Variants in LGR6 observed in about 807,000 individuals in gnomAD.
LGR6 encodes the protein leucine-rich repeat-containing G protein-coupled receptor 6.
In LGR6, 45 loss-of-function variants were observed where a neutral mutation model predicts 69.4. The ratio of observed to expected loss-of-function variants is 0.65; its 90% CI spans 0.51 to 0.83. LGR6 has a LOEUF of 0.83. Ranked by LOEUF, LGR6 falls within the 40% of genes least tolerant of loss-of-function variation. LGR6 has a pLI of 0.00. For synonymous variants in LGR6, 538 were observed against 555.0 expected (o/e 0.97, Z 0.43); for missense variants, 1,108 against 1,246.7 (o/e 0.89, Z 1.68).
chr1:202,248,913 C>G (rs900259931), intron 4 of LGR6, among the ~76,000 whole-genome samples: 1 of 152,130 alleles, frequency 6.6e-6, no homozygotes, highest in East Asian at 1.9e-4. Context: ...GTGACCCTGG[C>G]CCCCTCCCTA....
chr1:202,262,587 C>T (rs977781045), intron 4 of LGR6, among the ~76,000 whole-genome samples: 8 of 152,112 alleles, frequency 5.3e-5, no homozygotes, highest in African/African-American at 1.9e-4. Context: ...TTTTTGGTTC[C>T]GTATGTAATG....
intron 3 of LGR6, among the ~76,000 whole-genome samples, chr1:202,230,247 TCCCACACCCC>T (rs1054276750): frequency 5.3e-5 from 8 of 152,102 alleles, no homozygotes; most frequent in Non-Finnish European, 1.0e-4. Context: ...CTCATGTCTT[TCCCACACCCC>T]CCCACACCCC....
At position 202,303,361 on chromosome 1, in the gene LGR6, C is replaced by G. The variant is rs1257107925; in HGVS notation, c.998+14C>G. On this transcript the variant is annotated intron_variant, in intron 10 of 17. Coordinates refer to ENST00000367278, the MANE Select transcript of LGR6 (RefSeq NM_001017403.2). Reference sequence around the variant, plus strand: ...CCTGGAGATCCTGTGAGTGGCTTCTCTCTCCCTACCTTATCTATCGCCCCA... The same window carrying G: ...CCTGGAGATCCTGTGAGTGGCTTCTGTCTCCCTACCTTATCTATCGCCCCA... 3 of 1,602,332 alleles carry G rather than the reference C, an allele frequency of 1.9e-6. No individual in the cohort carries two copies. Among genetic ancestry groups the G allele is most frequent in the Non-Finnish European group, 2.6e-6 (3 of 1,169,210 alleles).
At chr1:202,315,034 C>G (rs1267950973) in intron 17 of LGR6, 152 bp downstream of exon 17, 1 of 635,654 alleles carries the variant, frequency 1.6e-6, no homozygotes, top group East Asian at 2.8e-5. Flanking sequence ...TTCGTAATTC[C>G]TGGGGAAGGA....
At chr1:202,198,013 C>A (rs916926824) in intron 1 of LGR6, among the ~76,000 whole-genome samples, 1 of 152,220 alleles carries the variant, frequency 6.6e-6, no homozygotes, top group African/African-American at 2.4e-5. Context: ...GGAGGGGCCG[C>A]TACACCAAGC....
rs79046333 is a variant in LGR6, at chr1:202,319,591, G to A, written c.*384G>A. On this transcript the variant is annotated 3_prime_UTR_variant, in exon 18 of 18. Coordinates refer to ENST00000367278, the MANE Select transcript of LGR6 (RefSeq NM_001017403.2). ...AGAAAGGCCTGGAAGGTGATTTCCCGTGTGACTCATGGATAGGATACAAAA... is the reference window on the plus strand; with the variant it reads ...AGAAAGGCCTGGAAGGTGATTTCCCATGTGACTCATGGATAGGATACAAAA... 28 of 193,728 alleles carry A rather than the reference G, an allele frequency of 1.4e-4. No homozygotes were observed. The highest frequency in any genetic ancestry group is 4.9e-4 in the African/African-American group (21 of 42,898). 12.0% of individuals were successfully genotyped at this position (193,728 alleles called of 1,614,324 possible). A position where few individuals can be genotyped will look rare whatever the true frequency, so the allele number is the denominator to read the frequency against.
At chr1:202,196,972 C>T in intron 1 of LGR6, 3 of 522,576 alleles carry the variant, frequency 5.7e-6, no homozygotes, top group Non-Finnish European at 1.2e-5. Flanking sequence ...GGACTTAGGT[C>T]CTCCTGACAC....
At chr1:202,261,874 A>C (rs1558044477) in intron 4 of LGR6, among the ~76,000 whole-genome samples, 2 of 152,166 alleles carry the variant, frequency 1.3e-5, no homozygotes, top group Non-Finnish European at 2.9e-5. Flanking sequence ...TGGCTGCATA[A>C]ATGTCTTCTT....
At chr1:202,296,210 C>G (rs574327015) in intron 6 of LGR6, among the ~76,000 whole-genome samples, 1 of 152,134 alleles carries the variant, frequency 6.6e-6, no homozygotes, top group South Asian at 2.1e-4. Flanking sequence ...TCCTGGGAGG[C>G]TAGGGAGGGA....
chr1:202,273,583 G>A (rs960304443), intron 4 of LGR6, among the ~76,000 whole-genome samples: 3 of 151,214 alleles, frequency 2.0e-5, no homozygotes, highest in Admixed American at 6.6e-5. Flanking sequence ...TCAGCCTCCC[G>A]AGTAGCTGGG....
chr1:202,280,604 T>C (rs937378026), intron 5 of LGR6, among the ~76,000 whole-genome samples, 177 bp from the exon 6 acceptor site: 9 of 152,174 alleles, frequency 5.9e-5, no homozygotes, highest in Non-Finnish European at 1.0e-4. Context: ...TTGGAGATTG[T>C]GGCTTCAGAA....
At chr1:202,210,247 A>G (rs1314891250) in intron 1 of LGR6, among the ~76,000 whole-genome samples, 2 of 152,038 alleles carry the variant, frequency 1.3e-5, no homozygotes, top group Non-Finnish European at 2.9e-5. Flanking sequence ...TGTTTCTCAG[A>G]CCAGGCTGGG....
chr1:202,215,965 G>C (rs1033352451), intron 1 of LGR6, among the ~76,000 whole-genome samples: 3 of 152,226 alleles, frequency 2.0e-5, no homozygotes, highest in African/African-American at 7.2e-5. Flanking sequence ...TGACACTTAA[G>C]TCCCAGTCCC....
chr1:202,304,117 G>A (rs1015615075), intron 10 of LGR6, among the ~76,000 whole-genome samples: 1 of 152,096 alleles, frequency 6.6e-6, no homozygotes, highest in Non-Finnish European at 1.5e-5. Context: ...GAGGCACAGG[G>A]ACCAAACTCT....
rs1654333441 is a variant in LGR6 at position 202,318,373 on chromosome 1, C to T, written c.2070C>T (p.Val690=). 1.9e-6 allele frequency: 3 copies of T among 1,603,930 alleles called. No individual in the cohort carries two copies. The highest frequency in any genetic ancestry group is 4.5e-5 in the East Asian group (2 of 44,774). Residue 690 remains valine, a synonymous_variant, in exon 18 of 18, where the codon GTC becomes GTT. Coordinates refer to ENST00000367278, the MANE Select transcript of LGR6 (RefSeq NM_001017403.2). ...SPSLGSVRAG[V]LGCLALAGLA... ...CCCTGGGCAGCGTTCGAGCAGGGGT[C>T]CTAGGCTGCCTGGCACTGGCAGGGC...
chr1:202,287,924 G>A (rs1262387469), intron 6 of LGR6, among the ~76,000 whole-genome samples: 3 of 152,024 alleles, frequency 2.0e-5, no homozygotes, highest in East Asian at 3.9e-4. Flanking sequence ...ACAACAACCA[G>A]AATGACTATT....
intron 1 of LGR6, among the ~76,000 whole-genome samples, chr1:202,224,117 C>T (rs1173110012): frequency 6.6e-6 from 1 of 151,850 alleles, no homozygotes; most frequent in Non-Finnish European, 1.5e-5. Flanking sequence ...ACCTCAGGGC[C>T]TTTTGACTTC....
intron 5 of LGR6, among the ~76,000 whole-genome samples, chr1:202,278,751 G>A (rs1433567696): frequency 3.9e-5 from 6 of 152,118 alleles, no homozygotes; most frequent in Admixed American, 2.0e-4. Flanking sequence ...GTTGTACAGG[G>A]GCCTGGCTGG....
intron 4 of LGR6, among the ~76,000 whole-genome samples, chr1:202,271,808 C>CAAAA (rs754922941): frequency 7.9e-5 from 7 of 88,466 alleles, no homozygotes; most frequent in African/African-American, 2.9e-4. Flanking sequence ...AACTCTGTCT[C>CAAAA]AAAAAAAAAA....
Sources: allele counts gnomAD v4.1 joint callset (sites outside exome capture counted in the v4.1 genomes callset), GRCh38; gene constraint gnomAD v4.1.1; transcripts MANE v1.5; gene names NCBI Gene and HGNC (gene_info 2026-07-23, HGNC 2026-07-21).